Variants in PSMB2 observed in about 807,000 individuals in gnomAD.
PSMB2 encodes proteasome subunit beta type-2.
A neutral mutation model predicts 25.7 loss-of-function variants in PSMB2; 13 were observed. The ratio of observed to expected loss-of-function variants is 0.51; its 90% CI spans 0.33 to 0.80. The LOEUF (loss-of-function observed/expected upper bound fraction) is 0.80, where lower values mean the gene tolerates loss of function less well. PSMB2 is among the 30% of genes least tolerant of loss of function. The pLI is 0.02. For synonymous variants in PSMB2, 87 were observed against 96.2 expected (o/e 0.90, Z 0.56); for missense variants, 202 against 259.0 (o/e 0.78, Z 1.51).
intron 4 of PSMB2, 93 bp downstream of exon 4, chr1:35,609,153 C>T (rs61627261): frequency 0.016 from 20,134 of 1,274,138 alleles, 636 homozygotes; most frequent in African/African-American, 0.12. Context: ...CCTATTCAAG[C>T]CCTGGCCACC....
intron 3 of PSMB2, among the ~76,000 whole-genome samples, chr1:35,628,596 A>AATAT (rs869040203): frequency 8.0e-5 from 2 of 25,090 alleles, no homozygotes; most frequent in African/African-American, 2.3e-4. Flanking sequence ...AAAAAAAAAA[A>AATAT]ATATATATAT....
rs1049334793 is a variant in PSMB2, at chr1:35,636,220, T to C, written c.214+90A>G. ...ACATCTAGAACTGTGAGAAAATACATTTCTGTTGTTTAAGCCACCCAGTCT... is the reference window on the plus strand; with the variant it reads ...ACATCTAGAACTGTGAGAAAATACACTTCTGTTGTTTAAGCCACCCAGTCT... On this transcript the variant is annotated intron_variant, in intron 2 of 5. Transcript: ENST00000373237. 1.3e-5 allele frequency: 19 copies of C among 1,480,274 alleles called. No homozygotes were observed. In the Admixed American group the frequency reaches 2.2e-4, roughly 17 times the overall value. 91.7% of individuals were successfully genotyped at this position (1,480,274 alleles called of 1,614,324 possible). A position where few individuals can be genotyped will look rare whatever the true frequency, so the allele number is the denominator to read the frequency against.
At position 35,617,612 on chromosome 1, in the gene PSMB2, G is replaced by A. The variant is rs540442709; in HGVS notation, c.286-8204C>T. Among the ~76,000 whole-genome samples the A allele has an allele frequency of 2.0e-5, 3 of 152,346 alleles. No homozygotes were observed. In the South Asian group the frequency reaches 6.2e-4, roughly 32 times the overall value. ...TATGAGAAGCATCATGCGACATGAT[G>A]AAGATGGGAGTCTGGATCTGGAAGG... On this transcript the variant is annotated intron_variant, in intron 3 of 5. Transcript: ENST00000373237.
At chr1:35,603,505 G>T in intron 5 of PSMB2, 131 bp from the exon 6 acceptor site, 3 of 1,095,672 alleles carry the variant, frequency 2.7e-6, no homozygotes, top group Non-Finnish European at 2.6e-6. Flanking sequence ...TCTACTGGAG[G>T]CAGTTGGCAG....
chr1:35,610,542 C>T (rs1387655745), intron 3 of PSMB2, among the ~76,000 whole-genome samples: 1 of 152,166 alleles, frequency 6.6e-6, no homozygotes, highest in African/African-American at 2.4e-5. Flanking sequence ...GTCCCCCAGG[C>T]TGGAGAGCAA....
intron 3 of PSMB2, among the ~76,000 whole-genome samples, chr1:35,613,116 T>A (rs986317070): frequency 9.9e-5 from 15 of 152,260 alleles, no homozygotes; most frequent in African/African-American, 2.4e-4. Context: ...TGTGTGACTT[T>A]GAATTACCAA....
At chr1:35,622,932 T>G (rs892669917) in intron 3 of PSMB2, among the ~76,000 whole-genome samples, 16 of 152,170 alleles carry the variant, frequency 1.1e-4, no homozygotes. Flanking sequence ...CAACAGCCAG[T>G]CTTTGTCTTC....
intron 2 of PSMB2, among the ~76,000 whole-genome samples, chr1:35,633,639 T>C (rs914582268): frequency 3.3e-5 from 5 of 152,234 alleles, no homozygotes; most frequent in Non-Finnish European, 7.3e-5. Flanking sequence ...ACATACTTCA[T>C]TTGTTATGCA....
intron 1 of PSMB2, 50 bp from the exon 2 acceptor site, chr1:35,636,482 C>T (rs375215296): frequency 3.3e-5 from 53 of 1,586,890 alleles, no homozygotes; most frequent in Middle Eastern, 3.4e-4. Flanking sequence ...AGACATTGAC[C>T]GTCATTATTT....
chr1:35,631,373 A>C, intron 2 of PSMB2, 29 bp from the exon 3 acceptor site: 1 of 1,611,742 alleles, frequency 6.2e-7, no homozygotes, highest in Non-Finnish European at 8.5e-7. Context: ...AGTCATACTT[A>C]AAGTAAAGCA....
chr1:35,624,170 AAAAT>A (rs1466954823), intron 3 of PSMB2, among the ~76,000 whole-genome samples: 2 of 152,144 alleles, frequency 1.3e-5, no homozygotes, highest in Admixed American at 6.5e-5. Context: ...ATTCCCTAAA[AAAAT>A]AAATAAATAA....
At chr1:35,609,963 G>A (rs1297196474) in intron 3 of PSMB2, among the ~76,000 whole-genome samples, 3 of 152,168 alleles carry the variant, frequency 2.0e-5, no homozygotes, top group African/African-American at 7.2e-5. Flanking sequence ...TGCAAGCACT[G>A]CAAAGGCAAA....
intron 3 of PSMB2, among the ~76,000 whole-genome samples, chr1:35,615,585 G>A (rs935364606): frequency 3.9e-5 from 6 of 152,216 alleles, no homozygotes; most frequent in Non-Finnish European, 5.9e-5. Flanking sequence ...GAGTCTGAGC[G>A]GTGACAAGCA....
chr1:35,606,240 T>A (rs557842354), intron 4 of PSMB2, among the ~76,000 whole-genome samples: 23 of 152,026 alleles, frequency 1.5e-4, no homozygotes, highest in Non-Finnish European at 2.9e-4. Context: ...AGTACCCCAA[T>A]TGGAAAGCAG....
rs957907180 is a variant in PSMB2, at chr1:35,599,931, G to A, written c.*3336C>T. On this transcript the variant is annotated 3_prime_UTR_variant, in exon 6 of 6. Coordinates refer to ENST00000373237, the MANE Select transcript of PSMB2 (RefSeq NM_002794.5). ...GAGGATCACTTGAGGCCAAGAGTTC[G>A]AGACCAGCCTAGGCAACATGGCGAG... 1.8e-5 allele frequency: 15 copies of A among 840,168 alleles called. No individual in the cohort carries two copies. Among genetic ancestry groups the A allele is most frequent in the Non-Finnish European group, 2.0e-5 (14 of 697,734 alleles). The allele number at this position is 840,168 out of a possible 1,614,324, so 52.0% of individuals were successfully genotyped here. A position where few individuals can be genotyped will look rare whatever the true frequency, so the allele number is the denominator to read the frequency against.
At chr1:35,640,986 T>A (rs559878246) in intron 1 of PSMB2, among the ~76,000 whole-genome samples, 1 of 151,510 alleles carries the variant, frequency 6.6e-6, no homozygotes, top group South Asian at 2.1e-4. Flanking sequence ...AGGTCGGGAG[T>A]TCGAGACCAG....
chr1:35,632,873 G>A (rs1430740159), intron 2 of PSMB2, among the ~76,000 whole-genome samples: 2 of 151,460 alleles, frequency 1.3e-5, no homozygotes, highest in Non-Finnish European at 2.9e-5. Flanking sequence ...CAGCCCAGGC[G>A]ACAGGAGTGA....
At chr1:35,633,428 A>G (rs1651157542) in intron 2 of PSMB2, among the ~76,000 whole-genome samples, 1 of 152,234 alleles carries the variant, frequency 6.6e-6, no homozygotes, top group African/African-American at 2.4e-5. Context: ...ATATAGAGTT[A>G]CATACACAAA....
chr1:35,628,589 AAAAAAAAATATATATAT>A (rs1367800543), intron 3 of PSMB2, among the ~76,000 whole-genome samples: 60 of 21,392 alleles, frequency 2.8e-3, no homozygotes, highest in Non-Finnish European at 4.5e-3. Context: ...AAAAAAAAAA[AAAAAAAAATATATATAT>A]ATATATATAT....
Sources: allele counts gnomAD v4.1 joint callset (sites outside exome capture counted in the v4.1 genomes callset), GRCh38; gene constraint gnomAD v4.1.1; transcripts MANE v1.5; gene names NCBI Gene and HGNC (gene_info 2026-07-23, HGNC 2026-07-21).